The following ANO2 variants were observed in gnomAD, a reference collection of about 807,000 sequenced individuals.
The protein encoded by ANO2 is anoctamin 2.
A neutral mutation model predicts 124.2 loss-of-function variants in ANO2; 101 were observed. The observed-to-expected ratio is 0.81, with a 90% CI of 0.69 to 0.96. The LOEUF (loss-of-function observed/expected upper bound fraction) is 0.96. Ranked by LOEUF, ANO2 falls within the 40% of genes least tolerant of loss-of-function variation. The pLI, the probability that ANO2 is intolerant of heterozygous loss-of-function variation, is 0.00. For synonymous variants in ANO2, 486 were observed against 482.5 expected (o/e 1.01, Z -0.09); for missense variants, 1,293 against 1,274.5 (o/e 1.01, Z -0.22).
In ANO2 at chr12:5,635,599, T is replaced by TCACACACACA. The variant is rs60128304; in HGVS notation, c.1621-262_1621-253dup. Among the ~76,000 whole-genome samples, 2,131 of 146,862 alleles carry TCACACACACA rather than the reference T, an allele frequency of 0.015. 33 individuals are homozygous for TCACACACACA. Among genetic ancestry groups the TCACACACACA allele is most frequent in the African/African-American group, 0.038 (1,497 of 39,544 alleles). Reference sequence around the variant, plus strand: ...TTTTTGTCAGATTCCAAATGATTTATCACACACACACACACACACACACAC... The same window carrying TCACACACACA: ...TTTTTGTCAGATTCCAAATGATTTATCACACACACACACACACACACACACACACACACAC... On this transcript the variant is annotated intron_variant, in intron 15 of 24. Coordinates refer to ENST00000682330, the MANE Select transcript of ANO2 (RefSeq NM_001364791.2). The surrounding 1 kb of genome is among the most constrained non-coding windows in gnomAD (Gnocchi z 5.2).
Position 5,787,912 on chromosome 12 carries a change from C to T in ANO2, c.1055+11595G>A, listed in dbSNP as rs914470533. ...GCTGGACCATAGGTCCAGACGTGCC[C>T]GAAACAGTCCCACCTTTTACCTGTC... On this transcript the variant is annotated intron_variant, in intron 10 of 24. Coordinates refer to ENST00000682330, the MANE Select transcript of ANO2 (RefSeq NM_001364791.2). This position sits in a 1 kb window ranked among gnomAD's most constrained non-coding sequence, Gnocchi z 4.2. 1.3e-5 allele frequency among the ~76,000 whole-genome samples: 2 copies of T among 152,136 alleles called. No individual in the cohort carries two copies. Among genetic ancestry groups the T allele is most frequent in the African/African-American group, 4.8e-5 (2 of 41,428 alleles).
intron 10 of ANO2, among the ~76,000 whole-genome samples, chr12:5,780,995 T>C (rs1185651558): frequency 6.6e-6 from 1 of 152,238 alleles, no homozygotes; most frequent in African/African-American, 2.4e-5. Context: ...TGTAAAATTT[T>C]CTTTCAACTA....
rs537623849 is a variant in ANO2 at position 5,657,615 on chromosome 12, C to A, written c.1546-9814G>T. Among the ~76,000 whole-genome samples, 6 of 151,990 alleles carry A rather than the reference C, an allele frequency of 3.9e-5. No homozygotes were observed. The South Asian group carries it at 8.3e-4, about 21-fold the overall frequency. On this transcript the variant is annotated intron_variant, in intron 14 of 24. Transcript: ENST00000682330. ...GTCAGAGATGAGAATCAAGGAAAACCCAGGTGCTCCTGGGCTCAGGGAGGA... is the reference window on the plus strand; with the variant it reads ...GTCAGAGATGAGAATCAAGGAAAACACAGGTGCTCCTGGGCTCAGGGAGGA...
intron 16 of ANO2, among the ~76,000 whole-genome samples, chr12:5,623,760 A>T (rs1328872830): frequency 6.6e-6 from 1 of 152,204 alleles, no homozygotes; most frequent in East Asian, 1.9e-4. Flanking sequence ...GAACAAGAAG[A>T]TGCCCAAGCA....
At chr12:5,874,579 C>T (rs563079213) in intron 3 of ANO2, among the ~76,000 whole-genome samples, 21 of 152,278 alleles carry the variant, frequency 1.4e-4, no homozygotes, top group Non-Finnish European at 2.4e-4. Flanking sequence ...TGTGCAGCTG[C>T]GAGCGTGCAC....
rs1370069307 is a variant in ANO2 at position 5,787,928 on chromosome 12, T to A, written c.1055+11579A>T. Reference sequence around the variant, plus strand: ...AGACGTGCCCGAAACAGTCCCACCTTTTACCTGTCGTTGCACTGTGGCAGC... The same window carrying A: ...AGACGTGCCCGAAACAGTCCCACCTATTACCTGTCGTTGCACTGTGGCAGC... On this transcript the variant is annotated intron_variant, in intron 10 of 24. Transcript: ENST00000682330. The surrounding 1 kb of genome is among the most constrained non-coding windows in gnomAD (Gnocchi z 4.2). 6.6e-6 allele frequency among the ~76,000 whole-genome samples: 1 copy of A among 152,150 alleles called. No homozygotes were observed. Among genetic ancestry groups the A allele is most frequent in the Non-Finnish European group, 1.5e-5 (1 of 68,012 alleles).
chr12:5,737,028 A>G (rs1950896799), intron 13 of ANO2, among the ~76,000 whole-genome samples: 1 of 152,216 alleles, frequency 6.6e-6, no homozygotes, highest in Admixed American at 6.5e-5. Context: ...CCCTTTGGAG[A>G]TCAGACACTA....
intron 3 of ANO2, among the ~76,000 whole-genome samples, chr12:5,899,678 C>T (rs1010124804): frequency 2.6e-5 from 4 of 152,206 alleles, no homozygotes; most frequent in African/African-American, 7.2e-5. Flanking sequence ...GCAAAGAGCT[C>T]TGCAAACCAG....
chr12:5,798,286 C>A (rs570935813), intron 10 of ANO2, among the ~76,000 whole-genome samples: 118 of 152,200 alleles, frequency 7.8e-4, no homozygotes, highest in Non-Finnish European at 1.5e-3. Context: ...TCCCTGCTCC[C>A]CCACCCAAGA....
intron 14 of ANO2, among the ~76,000 whole-genome samples, chr12:5,668,786 C>T (rs555259167): frequency 1.3e-5 from 2 of 152,282 alleles, no homozygotes; most frequent in Admixed American, 6.5e-5. Context: ...CTCCCAGCAC[C>T]ATTTATTAAA....
chr12:5,688,254 C>T (rs1205107128), intron 14 of ANO2, among the ~76,000 whole-genome samples: 1 of 152,158 alleles, frequency 6.6e-6, no homozygotes, highest in African/African-American at 2.4e-5. Flanking sequence ...TTGGAATGTG[C>T]AGTGCTTTGG....
chr12:5,744,056 T>G (rs1370039117), intron 12 of ANO2, 101 bp downstream of exon 12: 27 of 1,419,940 alleles, frequency 1.9e-5, no homozygotes, highest in Non-Finnish European at 2.2e-5. Context: ...GAAGAAAAAA[T>G]GCGAAAGTAA....
chr12:5,944,261 T>A (rs1325316618), intron 1 of ANO2, among the ~76,000 whole-genome samples: 1 of 152,152 alleles, frequency 6.6e-6, no homozygotes, highest in African/African-American at 2.4e-5. Flanking sequence ...TGGAAGCACC[T>A]TCACCTTGTC....
chr12:5,683,272 A>G (rs903901629), intron 14 of ANO2, among the ~76,000 whole-genome samples: 1 of 152,088 alleles, frequency 6.6e-6, no homozygotes, highest in Non-Finnish European at 1.5e-5. Context: ...TTTAGGGAAA[A>G]AGAAAAATCA....
chr12:5,859,872 C>T (rs1198156812), intron 3 of ANO2, among the ~76,000 whole-genome samples: 1 of 152,110 alleles, frequency 6.6e-6, no homozygotes. Context: ...ACTGGTTTCC[C>T]AGACCTGTCC....
intron 7 of ANO2, among the ~76,000 whole-genome samples, chr12:5,809,468 C>T (rs1409913625): frequency 6.6e-6 from 1 of 152,168 alleles, no homozygotes; most frequent in Non-Finnish European, 1.5e-5. Context: ...GCTGTATATA[C>T]CCTTAAGACA....
intron 15 of ANO2, among the ~76,000 whole-genome samples, chr12:5,637,456 C>A (rs1379078885): frequency 1.3e-5 from 2 of 151,796 alleles, no homozygotes; most frequent in Non-Finnish European, 2.9e-5. Context: ...GTGGGAGGGA[C>A]ATGAAGGAAG....
At chr12:5,612,849 G>A (rs1424621291) in intron 18 of ANO2, 52 bp downstream of exon 18, 1 of 1,610,942 alleles carries the variant, frequency 6.2e-7, no homozygotes, top group Non-Finnish European at 8.5e-7. Context: ...CTGGAGATAA[G>A]AATGGGGCTG....
chr12:5,792,534 A>C (rs969988569), intron 10 of ANO2, among the ~76,000 whole-genome samples: 2 of 152,194 alleles, frequency 1.3e-5, no homozygotes. Context: ...GCTTGGTTTT[A>C]AAATGTATTC....
Sources: allele counts gnomAD v4.1 joint callset (sites outside exome capture counted in the v4.1 genomes callset), GRCh38; gene constraint gnomAD v4.1.1; non-coding constraint Gnocchi (gnomAD v3.1); transcripts MANE v1.5; gene names NCBI Gene and HGNC (gene_info 2026-07-23, HGNC 2026-07-21).